The following LRP1B variants were observed in gnomAD, a reference collection of about 807,000 sequenced individuals.
LRP1B encodes the protein low-density lipoprotein receptor-related protein 1B.
LRP1B carries 217 observed loss-of-function variants against 556.6 expected under a neutral mutation model. The ratio of observed to expected loss-of-function variants is 0.39; its 90% CI spans 0.35 to 0.44. LRP1B has a LOEUF of 0.44. Among genes scored for constraint, LRP1B ranks in the 20% least tolerant of loss-of-function variants. LRP1B has a pLI of 1.00. For missense variants in LRP1B, 5,053 were observed against 5,620.8 expected (o/e 0.90, Z 3.23); for synonymous variants, 2,047 against 1,865.8 (o/e 1.10, Z -2.50).
chr2:141,835,559 A>C (rs1697251425), intron 1 of LRP1B, among the ~76,000 whole-genome samples: 1 of 151,964 alleles, frequency 6.6e-6, no homozygotes, highest in African/African-American at 2.4e-5. Context: ...GAAAGCAAGA[A>C]AAAGATATAA....
At chr2:140,951,087 C>T (rs1695700838) in intron 19 of LRP1B, among the ~76,000 whole-genome samples, 1 of 152,102 alleles carries the variant, frequency 6.6e-6, no homozygotes. Flanking sequence ...TGAAATGATA[C>T]AACCAATAAT....
chr2:142,026,781 G>A (rs762820994), intron 1 of LRP1B, among the ~76,000 whole-genome samples: 1 of 151,828 alleles, frequency 6.6e-6, no homozygotes, highest in South Asian at 2.1e-4. Context: ...CCTATACTTT[G>A]GCCAATTACA....
chr2:140,508,045 G>A (rs1189676578), intron 52 of LRP1B, among the ~76,000 whole-genome samples: 1 of 151,908 alleles, frequency 6.6e-6, no homozygotes, highest in Non-Finnish European at 1.5e-5. Context: ...ATTATTTTTG[G>A]CAGATTCCTC....
intron 20 of LRP1B, among the ~76,000 whole-genome samples, chr2:140,945,617 C>T (rs557577837): frequency 1.4e-4 from 22 of 152,072 alleles, no homozygotes; most frequent in Non-Finnish European, 2.6e-4. Flanking sequence ...GAAAGGACTC[C>T]GTATTCAATA....
chr2:141,522,413 T>C (rs1182194838), intron 2 of LRP1B, among the ~76,000 whole-genome samples: 1 of 151,434 alleles, frequency 6.6e-6, no homozygotes, highest in Non-Finnish European at 1.5e-5. Context: ...AGCCTGAATG[T>C]GGCAGGAAGA....
chr2:141,389,989 T>C (rs1007667711), intron 3 of LRP1B, among the ~76,000 whole-genome samples: 3 of 151,908 alleles, frequency 2.0e-5, no homozygotes, highest in African/African-American at 7.2e-5. Flanking sequence ...AATATGAAAA[T>C]TGGCCAGGAG....
chr2:141,588,068 C>G (rs1327883224), intron 2 of LRP1B, among the ~76,000 whole-genome samples: 1 of 151,966 alleles, frequency 6.6e-6, no homozygotes, highest in Non-Finnish European at 1.5e-5. Flanking sequence ...TGGAGTTTTG[C>G]CATGTAAGTA....
intron 11 of LRP1B, among the ~76,000 whole-genome samples, chr2:141,033,070 G>A (rs1698424373): frequency 6.6e-6 from 1 of 151,838 alleles, no homozygotes; most frequent in Non-Finnish European, 1.5e-5. Context: ...TTTGGAGTGA[G>A]CCTTGAAGGG....
chr2:141,333,219 G>C (rs1687722484), intron 3 of LRP1B, among the ~76,000 whole-genome samples: 1 of 152,022 alleles, frequency 6.6e-6, no homozygotes, highest in Admixed American at 6.6e-5. Flanking sequence ...TGAGAATCAT[G>C]GTAGTTACTC....
At chr2:140,740,307 T>A (rs901502997) in intron 35 of LRP1B, among the ~76,000 whole-genome samples, 1 of 152,154 alleles carries the variant, frequency 6.6e-6, no homozygotes, top group African/African-American at 2.4e-5. Context: ...CTGTGGTATA[T>A]GTGTATGATG....
chr2:141,436,207 T>C (rs1162561825), intron 3 of LRP1B, among the ~76,000 whole-genome samples: 1 of 152,200 alleles, frequency 6.6e-6, no homozygotes, highest in East Asian at 1.9e-4. Flanking sequence ...ATGAAATGAT[T>C]ACCACAATGA....
chr2:141,054,350 T>C (rs901379131), intron 10 of LRP1B, among the ~76,000 whole-genome samples: 4 of 152,048 alleles, frequency 2.6e-5, no homozygotes, highest in African/African-American at 9.6e-5. Flanking sequence ...TTGGGGAACA[T>C]TTAAAGACCA....
At chr2:140,803,266 T>G (rs958670727) in intron 32 of LRP1B, among the ~76,000 whole-genome samples, 2 of 128,106 alleles carry the variant, frequency 1.6e-5, no homozygotes. Flanking sequence ...GAAAGTTTTT[T>G]TTTTTTTTTT....
intron 1 of LRP1B, among the ~76,000 whole-genome samples, chr2:142,044,372 T>C (rs2029142): frequency 0.54 from 81,085 of 151,412 alleles, 22,434 homozygotes; most frequent in East Asian, 0.69. Context: ...GTAAACTGGC[T>C]AGCTCCTGCT....
chr2:140,748,091 GAATATA>G (rs1559093502), intron 35 of LRP1B, among the ~76,000 whole-genome samples: 1 of 38,056 alleles, frequency 2.6e-5, no homozygotes, highest in Non-Finnish European at 4.4e-5. Flanking sequence ...AAAGTCCTAT[GAATATA>G]TATATATATA....
At chr2:141,678,291 G>A (rs142675636) in intron 2 of LRP1B, among the ~76,000 whole-genome samples, 238 of 152,136 alleles carry the variant, frequency 1.6e-3, no homozygotes, top group African/African-American at 5.5e-3. Context: ...GTGAAGTAGA[G>A]GTAGAAATAC....
intron 2 of LRP1B, among the ~76,000 whole-genome samples, chr2:141,485,822 T>C (rs570306281): frequency 1.5e-4 from 23 of 152,236 alleles, no homozygotes; most frequent in South Asian, 6.2e-4. Flanking sequence ...AATTAAATGA[T>C]TAATCTCATG....
At chr2:140,732,851 C>T (rs1687823443) in intron 35 of LRP1B, among the ~76,000 whole-genome samples, 1 of 152,086 alleles carries the variant, frequency 6.6e-6, no homozygotes, top group Admixed American at 6.6e-5. Flanking sequence ...AATTTTGATT[C>T]AGTGAGAATA....
intron 2 of LRP1B, among the ~76,000 whole-genome samples, chr2:141,624,234 T>G (rs1688625304): frequency 1.3e-5 from 2 of 151,990 alleles, no homozygotes; most frequent in African/African-American, 2.4e-5. Flanking sequence ...AAATTTTTAT[T>G]GCAAGCCAGT....
Sources: allele counts gnomAD v4.1 joint callset (sites outside exome capture counted in the v4.1 genomes callset), GRCh38; gene constraint gnomAD v4.1.1; transcripts MANE v1.5; gene names NCBI Gene and HGNC (gene_info 2026-07-23, HGNC 2026-07-21).